STXBP5L: variants seen among roughly 807,000 people sequenced by gnomAD.
The protein encoded by STXBP5L is syntaxin-binding protein 5-like.
In STXBP5L, 65 loss-of-function variants were observed where a neutral mutation model predicts 144.5. The ratio of observed to expected loss-of-function variants is 0.45; its 90% CI spans 0.37 to 0.55. The LOEUF is 0.55. Ranked by LOEUF, STXBP5L falls within the 20% of genes least tolerant of loss-of-function variation. The pLI, the probability that STXBP5L is intolerant of heterozygous loss-of-function variation, is 0.00. For missense variants in STXBP5L, 1,298 were observed against 1,405.5 expected (o/e 0.92, Z 1.22); for synonymous variants, 505 against 469.6 (o/e 1.08, Z -0.97).
At position 121,021,296 on chromosome 3, in the gene STXBP5L, T is replaced by A. The variant is rs1945533029; in HGVS notation, c.288-20404T>A. On this transcript the variant is annotated intron_variant, in intron 3 of 26. Transcript: ENST00000471454. Reference sequence around the variant, plus strand: ...TTACTACTAGACCTAAGCAATGAGATAGACAGCAGAACAATAATAGTGTGG... The same window carrying A: ...TTACTACTAGACCTAAGCAATGAGAAAGACAGCAGAACAATAATAGTGTGG... Among the ~76,000 whole-genome samples, 4 of 152,124 alleles carry A rather than the reference T, an allele frequency of 2.6e-5. No individual in the cohort carries two copies. In the South Asian group the frequency reaches 8.3e-4, roughly 32 times the overall value.
At chr3:121,198,589 T>A (rs1354797506) in intron 9 of STXBP5L, among the ~76,000 whole-genome samples, 2 of 152,180 alleles carry the variant, frequency 1.3e-5, no homozygotes, top group Non-Finnish European at 2.9e-5. Context: ...ATTGCCTAGG[T>A]TTTCTTCTAG....
At chr3:121,042,053 C>A (rs995321310) in intron 4 of STXBP5L, among the ~76,000 whole-genome samples, 1 of 152,012 alleles carries the variant, frequency 6.6e-6, no homozygotes, top group Non-Finnish European at 1.5e-5. Context: ...ATCCTAATGT[C>A]TTTTGATTGC....
At chr3:121,179,580 C>A (rs1394411271) in intron 9 of STXBP5L, among the ~76,000 whole-genome samples, 1 of 152,050 alleles carries the variant, frequency 6.6e-6, no homozygotes, top group Non-Finnish European at 1.5e-5. Context: ...GGATCCAACC[C>A]AAGAAGAAAT....
chr3:120,984,586 C>T lies in STXBP5L; in HGVS notation c.287+29549C>T, dbSNP rs1942109157. Among the ~76,000 whole-genome samples the T allele has an allele frequency of 1.4e-5, 2 of 139,174 alleles. 1 individual carries two copies. The highest frequency in any genetic ancestry group is 4.5e-4 in the South Asian group (2 of 4,476). 91.3% of individuals were successfully genotyped at this position (139,174 alleles called of 152,430 possible). A position where few individuals can be genotyped will look rare whatever the true frequency, so the allele number is the denominator to read the frequency against. ...TCATATTATCTGCAAACAGAGATTA[C>T]TTACTTCGTTCTTTCCAACTTGGAT... On this transcript the variant is annotated intron_variant, in intron 3 of 26. Transcript: ENST00000471454.
chr3:121,234,706 G>A (rs1189284240), intron 12 of STXBP5L, among the ~76,000 whole-genome samples: 1 of 151,924 alleles, frequency 6.6e-6, no homozygotes, highest in Non-Finnish European at 1.5e-5. Context: ...TGTTCTCGGT[G>A]TTTGGAAAGG....
chr3:121,167,921 A>G (rs1213196080), intron 9 of STXBP5L, among the ~76,000 whole-genome samples: 2 of 152,184 alleles, frequency 1.3e-5, no homozygotes, highest in South Asian at 4.1e-4. Flanking sequence ...CAGACACCTC[A>G]TACAGGAGAG....
chr3:120,966,027 T>C (rs1485712449), intron 3 of STXBP5L, among the ~76,000 whole-genome samples: 2 of 152,204 alleles, frequency 1.3e-5, no homozygotes, highest in Non-Finnish European at 2.9e-5. Context: ...TTTCATTATT[T>C]TGATCTTCCA....
At chr3:121,188,922 C>T (rs574655451) in intron 9 of STXBP5L, among the ~76,000 whole-genome samples, 1 of 152,298 alleles carries the variant, frequency 6.6e-6, no homozygotes, top group East Asian at 1.9e-4. Flanking sequence ...CCTGCCTCAC[C>T]ACTCCTATTC....
intron 9 of STXBP5L, among the ~76,000 whole-genome samples, chr3:121,181,786 CA>C (rs2047166011): frequency 6.6e-6 from 1 of 151,810 alleles, no homozygotes; most frequent in Non-Finnish European, 1.5e-5. Flanking sequence ...AAAAAACAAC[CA>C]AGTGTTCACC....
intron 3 of STXBP5L, among the ~76,000 whole-genome samples, chr3:121,017,943 G>T (rs774120723): frequency 2.4e-4 from 37 of 152,046 alleles, no homozygotes; most frequent in Non-Finnish European, 2.4e-4. Context: ...GCCATGTGTT[G>T]TGGCATGCAC....
intron 12 of STXBP5L, among the ~76,000 whole-genome samples, chr3:121,236,278 A>T (rs1214836840): frequency 6.6e-6 from 1 of 152,182 alleles, no homozygotes. Flanking sequence ...CTGCAAAAAA[A>T]TTTAAAAGTT....
chr3:121,134,696 G>A (rs2045162772), intron 7 of STXBP5L, among the ~76,000 whole-genome samples: 2 of 152,028 alleles, frequency 1.3e-5, no homozygotes, highest in South Asian at 4.2e-4. Flanking sequence ...GAGAATGATG[G>A]TTTCCAGCTT....
chr3:121,087,968 T>G (rs1029311398), intron 5 of STXBP5L, among the ~76,000 whole-genome samples: 1 of 152,124 alleles, frequency 6.6e-6, no homozygotes, highest in African/African-American at 2.4e-5. Flanking sequence ...ACTTCTCTCA[T>G]TTATAATAAA....
chr3:121,090,227 A>T (rs2042710890), intron 5 of STXBP5L, among the ~76,000 whole-genome samples: 1 of 151,912 alleles, frequency 6.6e-6, no homozygotes, highest in Non-Finnish European at 1.5e-5. Context: ...CTGGCAGGGG[A>T]AGGTCAGATG....
At chr3:121,084,763 G>C (rs2042411117) in intron 5 of STXBP5L, among the ~76,000 whole-genome samples, 2 of 152,074 alleles carry the variant, frequency 1.3e-5, no homozygotes, top group South Asian at 4.1e-4. Flanking sequence ...TCTGGTCCTA[G>C]ATCTTTGAGG....
At chr3:120,964,015 C>T (rs566996234) in intron 3 of STXBP5L, among the ~76,000 whole-genome samples, 13 of 152,162 alleles carry the variant, frequency 8.5e-5, no homozygotes, top group African/African-American at 3.1e-4. Context: ...GTGTATGTGT[C>T]GAGGAATTTA....
chr3:121,076,246 G>T (rs923892943), intron 5 of STXBP5L, among the ~76,000 whole-genome samples: 1 of 152,144 alleles, frequency 6.6e-6, no homozygotes, highest in Non-Finnish European at 1.5e-5. Context: ...CAAGGGCTCT[G>T]GCTCCTCTCT....
intron 3 of STXBP5L, among the ~76,000 whole-genome samples, chr3:121,009,341 C>G (rs1944595339): frequency 6.6e-6 from 1 of 151,998 alleles, no homozygotes; most frequent in South Asian, 2.1e-4. Flanking sequence ...AATTTATTTT[C>G]TAGACTCCTG....
intron 3 of STXBP5L, among the ~76,000 whole-genome samples, chr3:120,980,607 T>C (rs1456103501): frequency 6.6e-6 from 1 of 152,108 alleles, no homozygotes; most frequent in Non-Finnish European, 1.5e-5. Flanking sequence ...ATGAGTTAGG[T>C]GGGTTTCTTA....
Sources: gnomAD v4.1 joint callset for allele counts (sites outside exome capture counted in the v4.1 genomes callset) on GRCh38, gnomAD v4.1.1 for gene constraint, MANE v1.5 for transcripts, NCBI Gene and HGNC (gene_info 2026-07-23, HGNC 2026-07-21) for gene names.